Variants in CHN2 observed in about 807,000 individuals in gnomAD.
CHN2 encodes the protein chimerin 2.
A neutral mutation model predicts 56.3 loss-of-function variants in CHN2; 35 were observed. That is an observed-to-expected ratio of 0.62 (90% confidence interval 0.47 to 0.82). The LOEUF (loss-of-function observed/expected upper bound fraction) is 0.82. Ranked by LOEUF, CHN2 falls within the 40% of genes least tolerant of loss-of-function variation. The pLI is 0.00. For synonymous variants in CHN2, 210 were observed against 212.8 expected, an observed-to-expected ratio of 0.99 and a Z score of 0.12; for missense variants, 491 against 580.5, an observed-to-expected ratio of 0.85 and a Z score of 1.58.
chr7:29,170,558 AT>A (rs769191115), intron 2 of CHN2, among the ~76,000 whole-genome samples: 39 of 152,314 alleles, frequency 2.6e-4, no homozygotes, highest in Admixed American at 5.2e-4. Flanking sequence ...TTCACTGAAT[AT>A]TTTGAAGAAA....
intron 7 of CHN2, among the ~76,000 whole-genome samples, chr7:29,481,779 A>G (rs1431668776): frequency 6.6e-6 from 1 of 151,392 alleles, no homozygotes; most frequent in Non-Finnish European, 1.5e-5. Flanking sequence ...CTGTGGATAC[A>G]CTACTAGTGA....
intron 1 of CHN2, among the ~76,000 whole-genome samples, chr7:29,272,324 A>G (rs6462130): frequency 2.0e-5 from 3 of 152,106 alleles, no homozygotes; most frequent in Admixed American, 6.5e-5. Context: ...GACAGTTCTC[A>G]TTGCACTGGA....
chr7:29,359,395 T>C (rs1365984606), intron 2 of CHN2, among the ~76,000 whole-genome samples: 1 of 152,172 alleles, frequency 6.6e-6, no homozygotes, highest in Non-Finnish European at 1.5e-5. Context: ...AGTCACTCCT[T>C]CATTCAACAA....
intron 1 of CHN2, among the ~76,000 whole-genome samples, chr7:29,320,236 C>T (rs988189710): frequency 3.9e-5 from 6 of 152,178 alleles, no homozygotes; most frequent in African/African-American, 1.2e-4. Flanking sequence ...ACCACCATGC[C>T]GAGTGACAAC....
At chr7:29,240,607 A>G (rs11764249) in intron 1 of CHN2, among the ~76,000 whole-genome samples, 13,086 of 152,160 alleles carry the variant, frequency 0.086, 592 homozygotes, top group Middle Eastern at 0.13. Flanking sequence ...ATCTACTCCT[A>G]TGAGATTCAC....
At chr7:29,205,003 T>A (rs1371670190) in intron 1 of CHN2, among the ~76,000 whole-genome samples, 5 of 152,232 alleles carry the variant, frequency 3.3e-5, no homozygotes, top group African/African-American at 1.2e-4. Context: ...AGTACTTATT[T>A]GGTTCCGCAT....
intron 1 of CHN2, among the ~76,000 whole-genome samples, chr7:29,252,186 G>A (rs1788602173): frequency 1.0e-5 from 1 of 99,906 alleles, no homozygotes; most frequent in Non-Finnish European, 1.9e-5. Flanking sequence ...GATTATACAG[G>A]ATTTTTTTTT....
intron 1 of CHN2, 105 bp downstream of exon 1, chr7:29,195,095 C>A: frequency 1.2e-5 from 16 of 1,285,122 alleles, no homozygotes; most frequent in Non-Finnish European, 1.7e-5. Context: ...ATCCCGCCCG[C>A]TCTCTCGGAA....
intron 1 of CHN2, among the ~76,000 whole-genome samples, chr7:29,266,018 A>C (rs1054512112): frequency 2.6e-5 from 4 of 152,102 alleles, no homozygotes; most frequent in African/African-American, 7.2e-5. Context: ...GCAAGACCCC[A>C]TCTTCCCCCC....
chr7:29,158,437 A>C (rs969418745), intron 2 of CHN2, among the ~76,000 whole-genome samples: 12 of 152,242 alleles, frequency 7.9e-5, no homozygotes, highest in African/African-American at 2.4e-4. Context: ...GTGTAAAGCT[A>C]TGATGTGTGT....
At chr7:29,170,654 T>C (rs1796476169) in intron 2 of CHN2, among the ~76,000 whole-genome samples, 1 of 152,244 alleles carries the variant, frequency 6.6e-6, no homozygotes, top group African/African-American at 2.4e-5. Flanking sequence ...CTTTCTGTAA[T>C]ATCTAATCTC....
intron 6 of CHN2, chr7:29,480,036 G>C: frequency 6.5e-7 from 1 of 1,529,672 alleles, no homozygotes; most frequent in Non-Finnish European, 8.8e-7. Flanking sequence ...CATAAGCTGC[G>C]GTTCGAAAAT....
intron 1 of CHN2, among the ~76,000 whole-genome samples, chr7:29,246,831 C>G (rs935913031): frequency 1.3e-5 from 2 of 152,196 alleles, no homozygotes; most frequent in Non-Finnish European, 2.9e-5. Flanking sequence ...AGGGAGCTCT[C>G]TGGGGCTGCT....
chr7:29,368,037 C>T (rs754395535), intron 3 of CHN2, 50 bp downstream of exon 3: 1 of 1,512,280 alleles, frequency 6.6e-7, no homozygotes. Context: ...GATGAATTGT[C>T]AGCACTATGT....
chr7:29,434,931 G>T (rs1783112709), intron 6 of CHN2, among the ~76,000 whole-genome samples: 1 of 151,694 alleles, frequency 6.6e-6, no homozygotes, highest in South Asian at 2.1e-4. Context: ...ATCTCTACAA[G>T]AAATACAAAA....
chr7:29,339,688 A>C (rs888333429), intron 1 of CHN2, among the ~76,000 whole-genome samples: 2 of 152,160 alleles, frequency 1.3e-5, no homozygotes, highest in East Asian at 3.9e-4. Context: ...CCCTGTCTCT[A>C]CTAACAATAC....
chr7:29,398,062 G>T (rs879344215), intron 4 of CHN2: 51 of 66,040 alleles, frequency 7.7e-4, no homozygotes, highest in African/African-American at 4.7e-3. Context: ...AAAAAAAGGG[G>T]GGGGGGGGGC....
At chr7:29,411,968 C>T (rs977701059) in intron 6 of CHN2, among the ~76,000 whole-genome samples, 1 of 152,200 alleles carries the variant, frequency 6.6e-6, no homozygotes, top group African/African-American at 2.4e-5. Flanking sequence ...CTGGAACCCA[C>T]CTGTCAGCTC....
Position 29,273,377 on chromosome 7 carries a change from A to ATATATATATATATATATATATATATG in CHN2, c.49+78399_49+78400insTATATATATATATGTATATATATATA, listed in dbSNP as rs1562882108. Among the ~76,000 whole-genome samples the ATATATATATATATATATATATATATG allele has an allele frequency of 1.5e-3, 77 of 52,348 alleles. 1 individual carries two copies. The highest frequency in any genetic ancestry group is 2.4e-3 in the Non-Finnish European group (70 of 29,280). 34.3% of individuals were successfully genotyped at this position (52,348 alleles called of 152,430 possible). ...TATATATATATATATATATATATAT[A>ATATATATATATATATATATATATATG]TATATATATATACACACACCACATT... On this transcript the variant is annotated intron_variant, in intron 1 of 12. Coordinates refer to ENST00000222792, the MANE Select transcript of CHN2 (RefSeq NM_004067.4).
Sources: gnomAD v4.1 joint callset for allele counts (sites outside exome capture counted in the v4.1 genomes callset) on GRCh38, gnomAD v4.1.1 for gene constraint, MANE v1.5 for transcripts, NCBI Gene and HGNC (gene_info 2026-07-23, HGNC 2026-07-21) for gene names.